The following KCNN2 variants were observed in gnomAD, a reference collection of about 807,000 sequenced individuals.
KCNN2 encodes the protein potassium calcium-activated channel subfamily N member 2.
In KCNN2, 24 loss-of-function variants were observed where a neutral mutation model predicts 55.5. The observed-to-expected ratio is 0.43, with a 90% confidence interval of 0.31 to 0.61. The LOEUF is 0.61. KCNN2 is among the 20% of genes least tolerant of loss of function. KCNN2 has a pLI of 0.08. For missense variants in KCNN2, 754 were observed against 853.6 expected, an observed-to-expected ratio of 0.88 and a Z score of 1.45; for synonymous variants, 431 against 336.1, an observed-to-expected ratio of 1.28 and a Z score of -3.09.
intron 1 of KCNN2, among the ~76,000 whole-genome samples, chr5:114,178,829 C>T (rs930582861): frequency 3.9e-5 from 6 of 152,294 alleles, no homozygotes; most frequent in Admixed American, 6.5e-5. Context: ...TTAAATTGCA[C>T]TTTGATGTCT....
intron 1 of KCNN2, among the ~76,000 whole-genome samples, chr5:114,149,978 C>T (rs567952874): frequency 3.3e-5 from 5 of 152,050 alleles, no homozygotes; most frequent in Admixed American, 6.6e-5. Context: ...CCACAAGGGT[C>T]GCATTCCATT....
intron 2 of KCNN2, among the ~76,000 whole-genome samples, chr5:114,324,835 G>A (rs572968145): frequency 1.3e-5 from 2 of 152,302 alleles, no homozygotes; most frequent in African/African-American, 4.8e-5. Flanking sequence ...GCCTTTCACA[G>A]GCTGTTAGCA....
chr5:114,439,027 A>T (rs1478959376), intron 3 of KCNN2, among the ~76,000 whole-genome samples: 1 of 152,200 alleles, frequency 6.6e-6, no homozygotes, highest in Non-Finnish European at 1.5e-5. Context: ...CATTCAAATA[A>T]AATTCAAAGG....
intron 3 of KCNN2, among the ~76,000 whole-genome samples, chr5:114,414,431 G>C (rs777644283): frequency 2.0e-5 from 3 of 152,090 alleles, no homozygotes; most frequent in Non-Finnish European, 4.4e-5. Flanking sequence ...AGTCTCTTAG[G>C]AGGGACTATG....
At chr5:114,435,308 C>T (rs1759966311) in intron 3 of KCNN2, among the ~76,000 whole-genome samples, 1 of 152,102 alleles carries the variant, frequency 6.6e-6, no homozygotes, top group Non-Finnish European at 1.5e-5. Context: ...CCTTATCTAC[C>T]TGTGTCCCTA....
intron 1 of KCNN2, among the ~76,000 whole-genome samples, chr5:114,117,769 G>A (rs542900683): frequency 6.6e-6 from 1 of 152,276 alleles, no homozygotes; most frequent in African/African-American, 2.4e-5. Flanking sequence ...TAGTCCTTGA[G>A]CCCTCATGTC....
At chr5:114,121,756 A>G (rs547220028) in intron 1 of KCNN2, among the ~76,000 whole-genome samples, 1 of 151,998 alleles carries the variant, frequency 6.6e-6, no homozygotes, top group African/African-American at 2.4e-5. Flanking sequence ...GTGACATCAT[A>G]CTCTCCCAAC....
At chr5:114,111,689 A>G (rs1751601392) in intron 1 of KCNN2, among the ~76,000 whole-genome samples, 1 of 152,212 alleles carries the variant, frequency 6.6e-6, no homozygotes, top group Non-Finnish European at 1.5e-5. Context: ...ACACTTTTCA[A>G]AAGAAGATAT....
chr5:114,286,072 A>G (rs937005944), intron 2 of KCNN2, among the ~76,000 whole-genome samples: 4 of 152,100 alleles, frequency 2.6e-5, no homozygotes, highest in African/African-American at 9.7e-5. Context: ...GGCATGTGCC[A>G]CCATGCCTGG....
intron 2 of KCNN2, among the ~76,000 whole-genome samples, chr5:114,308,913 T>C (rs763059550): frequency 3.3e-5 from 5 of 152,210 alleles, no homozygotes; most frequent in Non-Finnish European, 5.9e-5. Context: ...ATAATTATAA[T>C]GTATAGAAAA....
At chr5:114,195,503 T>G (rs2112566959) in intron 1 of KCNN2, among the ~76,000 whole-genome samples, 1 of 152,162 alleles carries the variant, frequency 6.6e-6, no homozygotes. Flanking sequence ...TGTATAGAAA[T>G]TCAATAGATT....
At chr5:114,486,677 T>G in intron 5 of KCNN2, 1 of 1,183,588 alleles carries the variant, frequency 8.4e-7, no homozygotes, top group Non-Finnish European at 1.1e-6. Flanking sequence ...CTTGGCCTCA[T>G]GGTATTTTGT....
At chr5:114,247,425 G>T (rs1754769711) in intron 2 of KCNN2, among the ~76,000 whole-genome samples, 1 of 152,026 alleles carries the variant, frequency 6.6e-6, no homozygotes, top group Non-Finnish European at 1.5e-5. Flanking sequence ...TTATTATTTA[G>T]ATTTTGAACT....
intron 2 of KCNN2, among the ~76,000 whole-genome samples, chr5:114,238,845 T>G (rs889569499): frequency 5.3e-5 from 8 of 152,128 alleles, no homozygotes; most frequent in African/African-American, 1.4e-4. Context: ...CCTATTTTTT[T>G]TATGGTGTGC....
intron 1 of KCNN2, among the ~76,000 whole-genome samples, chr5:114,166,809 G>T (rs993261962): frequency 2.6e-5 from 4 of 152,184 alleles, no homozygotes; most frequent in Middle Eastern, 6.8e-3. Flanking sequence ...GAGGTGATTA[G>T]ATCATGAAGG....
intron 2 of KCNN2, among the ~76,000 whole-genome samples, chr5:114,224,244 CA>C (rs1371858919): frequency 6.6e-6 from 1 of 152,066 alleles, no homozygotes; most frequent in Non-Finnish European, 1.5e-5. Context: ...TGGGGAAAAA[CA>C]AAATAAAACT....
intron 2 of KCNN2, among the ~76,000 whole-genome samples, chr5:114,354,479 T>C (rs163303): frequency 0.41 from 61,871 of 151,832 alleles, 13,421 homozygotes; most frequent in East Asian, 0.86. Context: ...ACAGCTCTTT[T>C]TGCTACCATG....
rs76167850 is a variant in KCNN2, at chr5:114,432,391, C to T, written c.1637+27535C>T. On this transcript the variant is annotated intron_variant, in intron 3 of 7. Coordinates refer to ENST00000673685, the MANE Select transcript of KCNN2 (RefSeq NM_021614.4). ...TTGTCTGAAATTAATATAGCTACTC[C>T]AACTTTCTTTTGATTAGTATTACCA... 3.1e-3 allele frequency among the ~76,000 whole-genome samples: 466 copies of T among 152,318 alleles called. 26 individuals are homozygous for T. The East Asian group carries it at 0.084, about 27-fold the overall frequency.
chr5:114,204,178 A>T (rs1345197088), intron 1 of KCNN2, among the ~76,000 whole-genome samples: 4 of 152,132 alleles, frequency 2.6e-5, no homozygotes, highest in Admixed American at 6.5e-5. Flanking sequence ...AAAATCAGAG[A>T]TGCTAACATC....
Sources: allele counts gnomAD v4.1 joint callset (sites outside exome capture counted in the v4.1 genomes callset), GRCh38; gene constraint gnomAD v4.1.1; transcripts MANE v1.5; gene names NCBI Gene and HGNC (gene_info 2026-07-23, HGNC 2026-07-21).